The following ZDHHC11B variants were observed in gnomAD, a reference collection of about 807,000 sequenced individuals.
ZDHHC11B encodes the protein zDHHC palmitoyltransferase 11B (putative).
ZDHHC11B carries 17 observed loss-of-function variants against 42.3 expected under a neutral mutation model. The ratio of observed to expected loss-of-function variants is 0.40; its 90% confidence interval spans 0.27 to 0.60. The LOEUF (loss-of-function observed/expected upper bound fraction) is 0.60, where lower values mean the gene tolerates loss of function less well. ZDHHC11B is among the 20% of genes least tolerant of loss of function. ZDHHC11B has a pLI of 0.41. For missense variants in ZDHHC11B, 262 were observed against 463.2 expected (o/e 0.57, Z 3.99); for synonymous variants, 123 against 193.5 (o/e 0.64, Z 3.02).
rs56065479 is a variant in ZDHHC11B, at chr5:762,812, A to ATT, written c.222+3884_222+3885dup. 5.3e-5 allele frequency among the ~76,000 whole-genome samples: 8 copies of ATT among 150,778 alleles called. No homozygotes were observed. In the South Asian group the frequency reaches 6.3e-4, roughly 12 times the overall value. ...AGGAAGTAGTAAAAATAAAAGCAGA[A>ATT]TTTTTTTTTAATAGAATAAAAACAG... is the stretch of plus-strand genomic sequence containing the variant. On this transcript the variant is annotated intron_variant, in intron 4 of 13. Coordinates refer to ENST00000508859, the MANE Select transcript of ZDHHC11B (RefSeq NM_001351303.2).
chr5:763,488 C>A (rs1734892207), intron 4 of ZDHHC11B, among the ~76,000 whole-genome samples: 1 of 151,816 alleles, frequency 6.6e-6, no homozygotes, highest in Admixed American at 6.6e-5. Context: ...TATCAAAAGC[C>A]TTCCCACAAG....
rs146489421 is a variant in ZDHHC11B, at chr5:777,528, G to A, written c.-230+7140C>T. Among the ~76,000 whole-genome samples the A allele has an allele frequency of 7.3e-3, 1,104 of 150,880 alleles. 2 individuals carry two copies. Among genetic ancestry groups the A allele is most frequent in the African/African-American group, 0.025 (1,017 of 40,434 alleles). On this transcript the variant is annotated intron_variant, in intron 1 of 13. Coordinates refer to ENST00000508859, the MANE Select transcript of ZDHHC11B (RefSeq NM_001351303.2). ...AGCAAAAGAACAAACTTTCCACAGC[G>A]GAGAAGAGAATGGAGTCAGGTTGCG...
chr5:774,871 C>T (rs1335736131), intron 1 of ZDHHC11B, among the ~76,000 whole-genome samples: 2 of 151,992 alleles, frequency 1.3e-5, no homozygotes, highest in African/African-American at 4.8e-5. Flanking sequence ...CTCGGTGCTC[C>T]CTTGTTCACT....
intron 1 of ZDHHC11B, among the ~76,000 whole-genome samples, chr5:774,815 G>A (rs1304253305): frequency 6.6e-6 from 1 of 151,950 alleles, no homozygotes; most frequent in African/African-American, 2.4e-5. Flanking sequence ...TAGGGCCTGG[G>A]GTCTCTCTCA....
chr5:723,070 T>G (rs1387174784), intron 12 of ZDHHC11B, among the ~76,000 whole-genome samples: 1 of 147,570 alleles, frequency 6.8e-6, no homozygotes, highest in Non-Finnish European at 1.5e-5. Context: ...GTGCAAGGAC[T>G]TGGAATGGGG....
intron 10 of ZDHHC11B, among the ~76,000 whole-genome samples, chr5:741,367 A>G (rs1161253734): frequency 1.3e-5 from 2 of 148,862 alleles, no homozygotes; most frequent in African/African-American, 4.9e-5. Flanking sequence ...AGTTATGAAG[A>G]AGGGAGTGAA....
At chr5:721,904 C>G (rs1261586030) in intron 12 of ZDHHC11B, among the ~76,000 whole-genome samples, 3 of 151,682 alleles carry the variant, frequency 2.0e-5, no homozygotes, top group Non-Finnish European at 4.4e-5. Flanking sequence ...CTAGACAGCC[C>G]AGAAATAGAC....
intron 1 of ZDHHC11B, among the ~76,000 whole-genome samples, chr5:778,160 C>T (rs1350841042): frequency 6.6e-6 from 1 of 151,858 alleles, no homozygotes; most frequent in Admixed American, 6.6e-5. Context: ...GAGAATTAAA[C>T]CACATGCCCA....
chr5:718,012 G>A (rs1741886754), intron 12 of ZDHHC11B, among the ~76,000 whole-genome samples: 1 of 151,770 alleles, frequency 6.6e-6, no homozygotes, highest in African/African-American at 2.4e-5. Context: ...GAAGTGACAG[G>A]ACTCAGTAAG....
intron 13 of ZDHHC11B, among the ~76,000 whole-genome samples, chr5:716,154 C>T (rs557913432): frequency 6.6e-6 from 1 of 151,044 alleles, no homozygotes; most frequent in African/African-American, 2.4e-5. Flanking sequence ...ACAATCATGT[C>T]TCATGTTTCT....
At chr5:753,716 C>G (rs1198785510) in intron 6 of ZDHHC11B, among the ~76,000 whole-genome samples, 1 of 148,484 alleles carries the variant, frequency 6.7e-6, no homozygotes, top group African/African-American at 2.5e-5. Flanking sequence ...AGCCTCTGGA[C>G]TCGCTGTGCG....
intron 4 of ZDHHC11B, among the ~76,000 whole-genome samples, chr5:756,756 A>G (rs1419924343): frequency 6.6e-6 from 1 of 151,570 alleles, no homozygotes; most frequent in Non-Finnish European, 1.5e-5. Context: ...AGACAGGAGG[A>G]GCAGGGGGAG....
chr5:746,396 C>T (rs866243713), intron 8 of ZDHHC11B, among the ~76,000 whole-genome samples: 2 of 143,652 alleles, frequency 1.4e-5, no homozygotes, highest in Middle Eastern at 3.5e-3. Context: ...CCCGGAGTCA[C>T]TGCCCAGGGA....
At chr5:773,576 C>G (rs1262982844) in intron 1 of ZDHHC11B, among the ~76,000 whole-genome samples, 3 of 151,876 alleles carry the variant, frequency 2.0e-5, no homozygotes, top group African/African-American at 7.3e-5. Context: ...CCTGTACTCC[C>G]AGGCCTGTGG....
intron 6 of ZDHHC11B, among the ~76,000 whole-genome samples, chr5:754,191 A>G (rs376610771): frequency 0.017 from 527 of 31,474 alleles, 5 homozygotes; most frequent in East Asian, 0.073. Context: ...TCTCTCGTCT[A>G]TGAGCCTCCA....
chr5:729,718 AT>A (rs148403404), intron 12 of ZDHHC11B, among the ~76,000 whole-genome samples: 18,039 of 147,932 alleles, frequency 0.12, 567 homozygotes, highest in African/African-American at 0.18. Context: ...AAAATGTTGT[AT>A]AAAGCTGCTT....
intron 10 of ZDHHC11B, among the ~76,000 whole-genome samples, chr5:741,063 C>T (rs1411624890): frequency 4.9e-5 from 6 of 121,582 alleles, no homozygotes; most frequent in African/African-American, 1.6e-4. Context: ...TCTCAGCTTC[C>T]AAAATAAAAC....
chr5:720,872 A>G (rs1325983119), intron 12 of ZDHHC11B, among the ~76,000 whole-genome samples: 6 of 151,592 alleles, frequency 4.0e-5, no homozygotes, highest in African/African-American at 9.7e-5. Flanking sequence ...GCCTTTGGGA[A>G]GCTAAAGTGG....
In ZDHHC11B at chr5:715,212, G is replaced by A. The variant is rs564906320; in HGVS notation, c.*7+1589C>T. Among the ~76,000 whole-genome samples, 16 of 150,732 alleles carry A rather than the reference G, an allele frequency of 1.1e-4. No homozygotes were observed. In the East Asian group the frequency reaches 2.3e-3, roughly 22 times the overall value. ...ATCACTGTTAGTCACTGTTGCTCAC[G>A]GAAGGGAGTCCACAGCTCCATTTGA... On this transcript the variant is annotated intron_variant, in intron 13 of 13. Transcript: ENST00000508859.
Sources: gnomAD v4.1 joint callset for allele counts (sites outside exome capture counted in the v4.1 genomes callset) on GRCh38, gnomAD v4.1.1 for gene constraint, MANE v1.5 for transcripts, NCBI Gene and HGNC (gene_info 2026-07-23, HGNC 2026-07-21) for gene names.